The following PARP16 variants were observed in gnomAD, a reference collection of about 807,000 sequenced individuals.
PARP16 encodes poly(ADP-ribose) polymerase family member 16.
Under a neutral mutation model 35.0 loss-of-function variants are expected in PARP16, and 31 were observed. That is an observed-to-expected ratio of 0.88 (90% CI 0.66 to 1.19). PARP16 has a LOEUF of 1.19. PARP16 is among the 50% of genes most tolerant of loss of function. PARP16 has a pLI of 0.00. For synonymous variants in PARP16, 162 were observed against 169.5 expected (o/e 0.96, Z 0.34); for missense variants, 424 against 411.2 (o/e 1.03, Z -0.27).
chr15:65,245,574 G>A (rs990688739), intron 3 of PARP16, among the ~76,000 whole-genome samples: 1 of 152,130 alleles, frequency 6.6e-6, no homozygotes, highest in African/African-American at 2.4e-5. Context: ...GGGTGTCAGA[G>A]CTGCTTGTAT....
At position 65,269,204 on chromosome 15, in the gene PARP16, C is replaced by CTTTCTTTCTTTCT. The variant is rs1056207683; in HGVS notation, c.312+1730_312+1731insAGAAAGAAAGAAA. Among the ~76,000 whole-genome samples the CTTTCTTTCTTTCT allele has an allele frequency of 4.1e-4, 42 of 103,524 alleles. No homozygotes were observed. In the East Asian group the frequency reaches 8.9e-3, roughly 22 times the overall value. 67.9% of individuals were successfully genotyped at this position (103,524 alleles called of 152,430 possible). ...TCTTTCTTTCTTTCTTTCTTTCTTT[C>CTTTCTTTCTTTCT]TTTTTTTTTTGAGATACAGTCTTGC... On this transcript the variant is annotated intron_variant, in intron 2 of 5. Transcript: ENST00000649807.
chr15:65,250,104 T>G, intron 2 of PARP16, among the ~76,000 whole-genome samples: 1 of 130,746 alleles, frequency 7.6e-6, no homozygotes, highest in South Asian at 2.7e-4. Context: ...TGCACCTGCT[T>G]GCCTTTTTTT....
intron 3 of PARP16, among the ~76,000 whole-genome samples, chr15:65,247,702 T>C (rs1406571087): frequency 6.6e-6 from 1 of 151,118 alleles, no homozygotes; most frequent in Non-Finnish European, 1.5e-5. Flanking sequence ...TTCTACCCTC[T>C]AGGAAAAACA....
intron 2 of PARP16, among the ~76,000 whole-genome samples, chr15:65,251,976 G>A (rs894389488): frequency 1.3e-5 from 2 of 152,124 alleles, no homozygotes; most frequent in Admixed American, 6.5e-5. Flanking sequence ...GTGTTAGCCA[G>A]GATGGTCTCG....
At chr15:65,252,292 T>C (rs1450040740) in intron 2 of PARP16, among the ~76,000 whole-genome samples, 5 of 152,178 alleles carry the variant, frequency 3.3e-5, no homozygotes, top group African/African-American at 1.2e-4. Flanking sequence ...CAGATGGACT[T>C]ATCCAAAGGA....
At chr15:65,265,121 C>G (rs553996069) in intron 3 of PARP16, among the ~76,000 whole-genome samples, 1 of 152,178 alleles carries the variant, frequency 6.6e-6, no homozygotes, top group Non-Finnish European at 1.5e-5. Flanking sequence ...AGGGAAATAT[C>G]TCCAGTCTCA....
At chr15:65,250,204 G>A (rs938266386) in intron 2 of PARP16, among the ~76,000 whole-genome samples, 11 of 133,660 alleles carry the variant, frequency 8.2e-5, no homozygotes, top group Non-Finnish European at 1.2e-4. Context: ...TGCAACCCCC[G>A]CCTCCCAGGT....
chr15:65,242,023 G>A (rs1043644618), intron 3 of PARP16, among the ~76,000 whole-genome samples: 2 of 152,034 alleles, frequency 1.3e-5, no homozygotes, highest in Admixed American at 6.6e-5. Flanking sequence ...TTAGATTTGT[G>A]GCCCACTTGG....
At chr15:65,284,027 T>C (rs7174518) in intron 1 of PARP16, among the ~76,000 whole-genome samples, 105,759 of 152,088 alleles carry the variant, frequency 0.7, 38,052 homozygotes, top group East Asian at 0.99. Context: ...AGGACCAGGT[T>C]GGGCCAAGAG....
intron 2 of PARP16, among the ~76,000 whole-genome samples, chr15:65,251,659 A>G (rs1390183824): frequency 6.6e-6 from 1 of 152,156 alleles, no homozygotes; most frequent in East Asian, 1.9e-4. Context: ...TCATCAAAAG[A>G]TATGAGATAC....
chr15:65,281,568 G>C lies in PARP16; in HGVS notation c.174+4685C>G, dbSNP rs539251264. ...TAGCTGGGCGTCATGGCATCTGCCT[G>C]TAATCCCAACTACTAGGGAGACTGA... On this transcript the variant is annotated intron_variant, in intron 1 of 5. Coordinates refer to ENST00000649807, the MANE Select transcript of PARP16 (RefSeq NM_001316943.2). Among the ~76,000 whole-genome samples, 3 of 152,158 alleles carry C rather than the reference G, an allele frequency of 2.0e-5. No individual in the cohort carries two copies. The East Asian group carries it at 5.8e-4, about 29-fold the overall frequency.
chr15:65,275,391 G>A (rs1443812892), intron 1 of PARP16, among the ~76,000 whole-genome samples: 1 of 152,142 alleles, frequency 6.6e-6, no homozygotes, highest in Non-Finnish European at 1.5e-5. Flanking sequence ...GTGACCTTTA[G>A]TGAGATGTTT....
chr15:65,260,123 C>T (rs955964107), intron 5 of PARP16, among the ~76,000 whole-genome samples: 10 of 152,124 alleles, frequency 6.6e-5, no homozygotes, highest in Non-Finnish European at 1.0e-4. Flanking sequence ...CAAATTTGGA[C>T]AGGGGTCGGG....
chr15:65,267,639 A>G (rs2089946395), intron 2 of PARP16, among the ~76,000 whole-genome samples: 1 of 145,854 alleles, frequency 6.9e-6, no homozygotes, highest in South Asian at 2.2e-4. Flanking sequence ...TTAAATAATA[A>G]TTAAAAAAAT....
downstream of PARP16, among the ~76,000 whole-genome samples, chr15:65,255,559 T>TC (rs1473925150): frequency 3.3e-5 from 5 of 151,714 alleles, no homozygotes; most frequent in Admixed American, 2.0e-4. Context: ...GAGTTTTCCT[T>TC]CCCCCATATC....
chr15:65,231,607 C>T (rs1595969589), downstream of PARP16, among the ~76,000 whole-genome samples: 2 of 151,942 alleles, frequency 1.3e-5, no homozygotes, highest in South Asian at 4.2e-4. Context: ...ACCACCACTC[C>T]CAGCTAATAC....
chr15:65,273,768 C>T (rs113103462), intron 1 of PARP16, among the ~76,000 whole-genome samples: 7 of 151,000 alleles, frequency 4.6e-5, no homozygotes, highest in African/African-American at 7.3e-5. Flanking sequence ...TCCAGCTACT[C>T]GGGAGGCTGA....
intron 1 of PARP16, among the ~76,000 whole-genome samples, chr15:65,276,124 C>T (rs1390000713): frequency 6.6e-6 from 1 of 152,090 alleles, no homozygotes; most frequent in African/African-American, 2.4e-5. Flanking sequence ...TCCTTGCTCC[C>T]CACCATCTGT....
chr15:65,255,547 C>T (rs551239419), downstream of PARP16, among the ~76,000 whole-genome samples: 205 of 152,004 alleles, frequency 1.3e-3, no homozygotes, highest in African/African-American at 4.9e-3. Flanking sequence ...CTCTAGACTC[C>T]AGAGTTTTCC....
Sources: allele counts gnomAD v4.1 joint callset (sites outside exome capture counted in the v4.1 genomes callset), GRCh38; gene constraint gnomAD v4.1.1; transcripts MANE v1.5; gene names NCBI Gene and HGNC (gene_info 2026-07-23, HGNC 2026-07-21).